Variants in ATP8A2 observed in about 807,000 individuals in gnomAD.
ATP8A2 encodes the protein ATPase phospholipid transporting 8A2, also known as phospholipid-transporting ATPase IB.
A neutral mutation model predicts 165.6 loss-of-function variants in ATP8A2; 100 were observed. The observed-to-expected ratio is 0.60, with a 90% CI of 0.51 to 0.71. The LOEUF is 0.71. Ranked by LOEUF, ATP8A2 falls within the 30% of genes least tolerant of loss-of-function variation. The pLI is 0.00. For missense variants in ATP8A2, 1,227 were observed against 1,479.5 expected, an observed-to-expected ratio of 0.83 and a Z score of 2.80; for synonymous variants, 543 against 548.8, an observed-to-expected ratio of 0.99 and a Z score of 0.15.
chr13:25,762,314 A>G (rs145954882), intron 25 of ATP8A2, among the ~76,000 whole-genome samples: 2 of 142,946 alleles, frequency 1.4e-5, no homozygotes, highest in East Asian at 4.6e-4. Flanking sequence ...CAGAAGGCCT[A>G]GAATGTTTTT....
At chr13:25,894,053 C>T (rs565325714) in intron 33 of ATP8A2, among the ~76,000 whole-genome samples, 1 of 152,322 alleles carries the variant, frequency 6.6e-6, no homozygotes, top group African/African-American at 2.4e-5. Flanking sequence ...TCCCATTTGT[C>T]AACTTTGGCT....
intron 30 of ATP8A2, among the ~76,000 whole-genome samples, chr13:25,859,353 A>G (rs1405176131): frequency 6.6e-6 from 1 of 152,204 alleles, no homozygotes; most frequent in East Asian, 1.9e-4. Flanking sequence ...GTACCCCAAA[A>G]TCTAAAACAA....
intron 30 of ATP8A2, among the ~76,000 whole-genome samples, chr13:25,843,759 T>TTTC (rs1951798038): frequency 6.6e-6 from 1 of 152,162 alleles, no homozygotes; most frequent in Non-Finnish European, 1.5e-5. Flanking sequence ...TCTGGAAGTA[T>TTTC]CAATCAAAAC....
chr13:25,543,309 T>C lies in ATP8A2; in HGVS notation c.798T>C (p.Pro266=), dbSNP rs757252359. 3.1e-6 allele frequency: 5 copies of C among 1,609,182 alleles called. No individual in the cohort carries two copies. The highest frequency in any genetic ancestry group is 1.1e-5 in the South Asian group (1 of 90,478). Residue 266 remains proline (P), a synonymous_variant, in exon 10 of 37, where the codon CCT becomes CCC. Transcript: ENST00000381655. The part of the protein sequence containing the change: ...LDGKSLVALG[P]DQILLRGTQL... ...TTTTTAGCCTTGTTGCCCTTGGGCC[T>C]GACCAGATCTTATTAAGAGGTACAC...
intron 23 of ATP8A2, among the ~76,000 whole-genome samples, chr13:25,587,167 A>C (rs1031836300): frequency 1.3e-5 from 2 of 152,210 alleles, no homozygotes; most frequent in Non-Finnish European, 2.9e-5. Flanking sequence ...ATCCAAAAAC[A>C]TTAGAAATCA....
At chr13:25,879,582 C>T (rs1451048657) in intron 33 of ATP8A2, among the ~76,000 whole-genome samples, 1 of 152,216 alleles carries the variant, frequency 6.6e-6, no homozygotes, top group Non-Finnish European at 1.5e-5. Flanking sequence ...TGCACCTCTG[C>T]TGGCGATGGA....
intron 30 of ATP8A2, among the ~76,000 whole-genome samples, chr13:25,851,718 C>T (rs1338073276): frequency 1.3e-5 from 2 of 152,192 alleles, no homozygotes; most frequent in Non-Finnish European, 2.9e-5. Context: ...CCCCTCCATG[C>T]AGGTGTTCTC....
At chr13:25,848,172 C>T (rs116673901) in intron 30 of ATP8A2, among the ~76,000 whole-genome samples, 1,798 of 152,322 alleles carry the variant, frequency 0.012, 31 homozygotes, top group African/African-American at 0.039. Flanking sequence ...TCTGTGAGTA[C>T]GAACTTCTGC....
chr13:25,610,000 G>T (rs2040638263), intron 24 of ATP8A2, among the ~76,000 whole-genome samples: 1 of 152,014 alleles, frequency 6.6e-6, no homozygotes, highest in Admixed American at 6.6e-5. Flanking sequence ...GTTCCTTGCA[G>T]ATTCTGGATA....
chr13:25,741,030 G>A (rs879274932), intron 25 of ATP8A2, among the ~76,000 whole-genome samples: 1 of 152,166 alleles, frequency 6.6e-6, no homozygotes, highest in Non-Finnish European at 1.5e-5. Context: ...AGCTATGTGA[G>A]TAACCAGACA....
At position 26,020,610 on chromosome 13, in the gene ATP8A2, G is replaced by C. The variant is rs1388841910; in HGVS notation, c.*625G>C. The C allele has an allele frequency of 6.5e-6, 1 of 152,718 alleles. No individual in the cohort carries two copies. Among genetic ancestry groups the C allele is most frequent in the Non-Finnish European group, 1.5e-5 (1 of 68,520 alleles). 9.5% of individuals were successfully genotyped at this position (152,718 alleles called of 1,614,324 possible). On this transcript the variant is annotated 3_prime_UTR_variant, in exon 37 of 37. Transcript: ENST00000381655. ...GCAGGGCAAACCAACTGATGCCCTG[G>C]AAGAGTCTTCCGCACCCTCTCCAGG...
At chr13:25,945,081 A>G (rs759290729) in intron 33 of ATP8A2, among the ~76,000 whole-genome samples, 2 of 152,188 alleles carry the variant, frequency 1.3e-5, no homozygotes, top group Non-Finnish European at 2.9e-5. Context: ...TGATGAAAAC[A>G]GGAAATACTA....
intron 33 of ATP8A2, among the ~76,000 whole-genome samples, chr13:25,959,715 C>T (rs575682744): frequency 6.6e-6 from 1 of 152,318 alleles, no homozygotes; most frequent in South Asian, 2.1e-4. Context: ...TTCTACATTA[C>T]TTTAATTGCT....
At chr13:25,585,421 G>A (rs796261266) in intron 23 of ATP8A2, among the ~76,000 whole-genome samples, 29 of 152,070 alleles carry the variant, frequency 1.9e-4, no homozygotes, top group South Asian at 6.2e-4. Context: ...GGATGAGTGA[G>A]AACAAAATCC....
intron 24 of ATP8A2, among the ~76,000 whole-genome samples, chr13:25,693,679 C>CTG (rs2137880508): frequency 6.7e-6 from 1 of 148,988 alleles, no homozygotes; most frequent in African/African-American, 2.5e-5. Context: ...CTGTCTCTCT[C>CTG]TCTCTCTCTG....
At position 25,593,636 on chromosome 13, in the gene ATP8A2, A is replaced by G. The variant is rs185370969; in HGVS notation, c.2211+3937A>G. ...GTAAGGATTGCCACTGGCATCCTCA[A>G]TTTTTTTTCCTGGCACACTGACCAG... On this transcript the variant is annotated intron_variant, in intron 24 of 36. Coordinates refer to ENST00000381655, the MANE Select transcript of ATP8A2 (RefSeq NM_016529.6). 1.2e-4 allele frequency among the ~76,000 whole-genome samples: 19 copies of G among 152,134 alleles called. No individual in the cohort carries two copies. In the East Asian group the frequency reaches 3.5e-3, roughly 28 times the overall value.
chr13:25,830,378 A>G (rs948423649), intron 28 of ATP8A2, among the ~76,000 whole-genome samples: 8 of 152,082 alleles, frequency 5.3e-5, no homozygotes, highest in Admixed American at 5.2e-4. Context: ...CCCCTAAACT[A>G]TACAGAGAGT....
At chr13:25,767,017 A>G (rs12874851) in intron 25 of ATP8A2, among the ~76,000 whole-genome samples, 26,297 of 152,186 alleles carry the variant, frequency 0.17, 2,465 homozygotes, top group Middle Eastern at 0.21. Flanking sequence ...TAAATGGTCA[A>G]TGTGTGGTGC....
At chr13:25,859,312 C>T (rs569170652) in intron 30 of ATP8A2, among the ~76,000 whole-genome samples, 1 of 152,010 alleles carries the variant, frequency 6.6e-6, no homozygotes, top group Non-Finnish European at 1.5e-5. Flanking sequence ...CTCAGCATCA[C>T]ACAGTATACC....
Sources: gnomAD v4.1 joint callset for allele counts (sites outside exome capture counted in the v4.1 genomes callset) on GRCh38, gnomAD v4.1.1 for gene constraint, MANE v1.5 for transcripts, NCBI Gene and HGNC (gene_info 2026-07-23, HGNC 2026-07-21) for gene names.